Variants in IQCM observed in about 807,000 individuals in gnomAD.
IQCM encodes the protein IQ motif containing M.
In IQCM, 45 loss-of-function variants were observed where a neutral mutation model predicts 57.6. The observed-to-expected ratio is 0.78, with a 90% CI of 0.62 to 1.00. The LOEUF is 1.00. Ranked by LOEUF, IQCM falls within the 50% of genes least tolerant of loss-of-function variation. The pLI, the probability that IQCM is intolerant of heterozygous loss-of-function variation, is 0.00. For synonymous variants in IQCM, 148 were observed against 158.9 expected (o/e 0.93, Z 0.51); for missense variants, 468 against 511.6 (o/e 0.91, Z 0.82).
chr4:149,701,947 C>G lies in IQCM; in HGVS notation c.386-15479G>C, dbSNP rs1763803530. Among the ~76,000 whole-genome samples the G allele has an allele frequency of 2.0e-5, 3 of 151,942 alleles. No individual in the cohort carries two copies. The South Asian group carries it at 6.2e-4, about 32-fold the overall frequency. On this transcript the variant is annotated intron_variant, in intron 5 of 13. Coordinates refer to ENST00000636793, the MANE Select transcript of IQCM (RefSeq NM_001363507.2). The stretch of plus-strand genomic sequence containing the variant: ...TATAATTAGAAGGAAATTTAAAACA[C>G]CATACATCTTTTCTAGCCTCACAAC...
intron 12 of IQCM, among the ~76,000 whole-genome samples, chr4:149,503,991 T>C (rs943015008): frequency 6.6e-6 from 1 of 151,990 alleles, no homozygotes; most frequent in African/African-American, 2.4e-5. Context: ...ATCACCCAAA[T>C]AGACCATTAA....
chr4:149,644,460 T>C (rs368802245), intron 7 of IQCM, among the ~76,000 whole-genome samples: 4 of 152,250 alleles, frequency 2.6e-5, no homozygotes, highest in African/African-American at 9.6e-5. Context: ...TTTGCTTTTA[T>C]TGATAAACAT....
chr4:149,531,003 A>G (rs1746691942), intron 12 of IQCM, among the ~76,000 whole-genome samples: 1 of 152,082 alleles, frequency 6.6e-6, no homozygotes, highest in Non-Finnish European at 1.5e-5. Flanking sequence ...ACTTATTTGC[A>G]AGGATGTTTT....
intron 13 of IQCM, among the ~76,000 whole-genome samples, chr4:149,389,529 TA>T (rs992444720): frequency 6.6e-6 from 1 of 151,540 alleles, no homozygotes; most frequent in South Asian, 2.1e-4. Context: ...TATGCAGCCA[TA>T]AAAAATGATG....
At chr4:149,785,217 A>T (rs1561272958) in intron 2 of IQCM, among the ~76,000 whole-genome samples, 2 of 152,230 alleles carry the variant, frequency 1.3e-5, no homozygotes, top group Non-Finnish European at 2.9e-5. Flanking sequence ...TGGAGCAATG[A>T]GTAAAATATT....
intron 12 of IQCM, among the ~76,000 whole-genome samples, chr4:149,521,318 C>T (rs1051347486): frequency 2.6e-5 from 4 of 151,810 alleles, no homozygotes; most frequent in Admixed American, 2.0e-4. Flanking sequence ...GAAGTCAAGG[C>T]AAGGTAAGCG....
Position 149,609,174 on chromosome 4 carries a change from A to G in IQCM, c.681+11955T>C, listed in dbSNP as rs986432647. 5.3e-5 allele frequency among the ~76,000 whole-genome samples: 8 copies of G among 151,778 alleles called. No individual in the cohort carries two copies. The East Asian group carries it at 1.5e-3, about 29-fold the overall frequency. ...ATAAACTCCTAGACACATGCAACCT[A>G]CGAAGATTGAACCATGAAGAAATAA... On this transcript the variant is annotated intron_variant, in intron 8 of 13. Transcript: ENST00000636793.
Position 149,455,811 on chromosome 4 carries a change from CT to C in IQCM, c.1229-22255del, listed in dbSNP as rs540279173. Among the ~76,000 whole-genome samples the C allele has an allele frequency of 1.4e-3, 200 of 143,392 alleles. No homozygotes were observed. The South Asian group carries it at 0.016, about 12-fold the overall frequency. The allele number at this position is 143,392 out of a possible 152,430, so 94.1% of individuals were successfully genotyped here. On this transcript the variant is annotated intron_variant, in intron 12 of 13. Transcript: ENST00000636793. ...CGAGACACCTGTCTCTACAAATTTT[CT>C]TTTTTTTTTTTAATTAGCCAGGTGT...
At chr4:149,549,040 C>T (rs1214615130) in intron 11 of IQCM, among the ~76,000 whole-genome samples, 1 of 152,156 alleles carries the variant, frequency 6.6e-6, no homozygotes, top group Admixed American at 6.5e-5. Context: ...TATTCTGTTT[C>T]TAAAGTTGGC....
chr4:149,740,770 C>T (rs1194287995), intron 3 of IQCM, among the ~76,000 whole-genome samples: 1 of 152,004 alleles, frequency 6.6e-6, no homozygotes, highest in Non-Finnish European at 1.5e-5. Flanking sequence ...AGTAAACATA[C>T]AACAGCTAAG....
At chr4:149,402,033 T>C (rs993445095) in intron 13 of IQCM, among the ~76,000 whole-genome samples, 4 of 151,890 alleles carry the variant, frequency 2.6e-5, no homozygotes, top group Admixed American at 6.6e-5. Flanking sequence ...GACAACTCTA[T>C]GGATAATTTG....
intron 13 of IQCM, among the ~76,000 whole-genome samples, chr4:149,432,180 G>A (rs910926051): frequency 6.6e-6 from 1 of 151,796 alleles, no homozygotes; most frequent in Admixed American, 6.6e-5. Context: ...CACCAGTAAT[G>A]TGTGAGTGTT....
At position 149,781,300 on chromosome 4, in the gene IQCM, T is replaced by G. The variant is rs555704334; in HGVS notation, c.-49+34011A>C. On this transcript the variant is annotated intron_variant, in intron 2 of 13. Coordinates refer to ENST00000636793, the MANE Select transcript of IQCM (RefSeq NM_001363507.2). ...TTAAACAGATAATTCCAGAAATAAA[T>G]AATTTAGAAGTTTTAAATTGCATGC... Among the ~76,000 whole-genome samples, 5 of 152,270 alleles carry G rather than the reference T, an allele frequency of 3.3e-5. No individual in the cohort carries two copies. In the South Asian group the frequency reaches 1.0e-3, roughly 32 times the overall value.
intron 8 of IQCM, among the ~76,000 whole-genome samples, chr4:149,594,185 G>A (rs183099555): frequency 1.3e-5 from 2 of 152,210 alleles, no homozygotes; most frequent in South Asian, 2.1e-4. Flanking sequence ...TTTAGTCTTG[G>A]GAGGGTGTAT....
At chr4:149,448,860 C>A (rs1736786372) in intron 12 of IQCM, among the ~76,000 whole-genome samples, 1 of 151,626 alleles carries the variant, frequency 6.6e-6, no homozygotes. Context: ...CACCTACATG[C>A]CCAGATGGCT....
At chr4:149,482,541 T>C (rs1199261519) in intron 12 of IQCM, among the ~76,000 whole-genome samples, 1 of 151,986 alleles carries the variant, frequency 6.6e-6, no homozygotes, top group East Asian at 1.9e-4. Context: ...AATGGTCATA[T>C]GGTTTTGTCC....
intron 10 of IQCM, among the ~76,000 whole-genome samples, chr4:149,554,209 G>A (rs983304290): frequency 9.2e-5 from 14 of 152,162 alleles, no homozygotes; most frequent in African/African-American, 3.1e-4. Context: ...GAAAACAACT[G>A]AAGCAGAAAA....
intron 12 of IQCM, among the ~76,000 whole-genome samples, chr4:149,494,291 G>C (rs1579255550): frequency 6.6e-6 from 1 of 152,034 alleles, no homozygotes; most frequent in East Asian, 1.9e-4. Flanking sequence ...CAACAAGTCT[G>C]TGCAACAAAT....
intron 9 of IQCM, among the ~76,000 whole-genome samples, chr4:149,576,465 A>G (rs1751666372): frequency 6.6e-6 from 1 of 151,774 alleles, no homozygotes. Flanking sequence ...GTGAGGTTTG[A>G]GATTTTAGTG....
Sources: gnomAD v4.1 joint callset for allele counts (sites outside exome capture counted in the v4.1 genomes callset) on GRCh38, gnomAD v4.1.1 for gene constraint, MANE v1.5 for transcripts, NCBI Gene and HGNC (gene_info 2026-07-23, HGNC 2026-07-21) for gene names.